The following SMYD3 variants were observed in gnomAD, a reference collection of about 807,000 sequenced individuals.
The protein encoded by SMYD3 is histone-lysine N-methyltransferase SMYD3.
In SMYD3, 36 loss-of-function variants were observed where a neutral mutation model predicts 57.7. The observed-to-expected ratio is 0.62, with a 90% confidence interval of 0.48 to 0.82. The LOEUF is 0.82. Among genes scored for constraint, SMYD3 ranks in the 40% least tolerant of loss-of-function variants. SMYD3 has a pLI of 0.00. For missense variants in SMYD3, 515 were observed against 538.8 expected (o/e 0.96, Z 0.44); for synonymous variants, 211 against 195.0 (o/e 1.08, Z -0.68).
chr1:245,949,825 A>ACCCCCCCCCCCCCCCCCCCCCCCCC (rs376505931), intron 5 of SMYD3, among the ~76,000 whole-genome samples: 8 of 93,296 alleles, frequency 8.6e-5, no homozygotes, highest in Non-Finnish European at 1.1e-4. Flanking sequence ...AAAGAAACCC[A>ACCCCCCCCCCCCCCCCCCCCCCCCC]CCCCCCCCAC....
Position 246,203,568 on chromosome 1 carries a change from G to A in SMYD3, c.531+123633C>T, listed in dbSNP as rs564268344. Among the ~76,000 whole-genome samples, 7 of 152,282 alleles carry A rather than the reference G, an allele frequency of 4.6e-5. No homozygotes were observed. Among genetic ancestry groups the A allele is most frequent in the East Asian group, 3.9e-4 (2 of 5,186 alleles). On this transcript the variant is annotated intron_variant, in intron 5 of 11. Transcript: ENST00000490107. The surrounding 1 kb of genome is among the most constrained non-coding windows in gnomAD (Gnocchi z 4.6). ...CCTCCTGACACGGCAGTCCCTCTGC[G>A]CACATGTGCTGTTGGTGTCTCTTCC...
chr1:246,327,964 C>G (rs1008429646), intron 4 of SMYD3, among the ~76,000 whole-genome samples: 1 of 152,088 alleles, frequency 6.6e-6, no homozygotes, highest in Non-Finnish European at 1.5e-5. Flanking sequence ...GAGGCCAAGA[C>G]GGGCAGATCA....
intron 1 of SMYD3, among the ~76,000 whole-genome samples, chr1:246,403,391 G>A (rs535936549): frequency 4.6e-5 from 7 of 152,210 alleles, no homozygotes; most frequent in East Asian, 1.9e-4. Flanking sequence ...CCAAGTACTC[G>A]GGAAGTTGAG....
At chr1:245,919,719 C>T (rs1318679884) in intron 7 of SMYD3, among the ~76,000 whole-genome samples, 3 of 152,160 alleles carry the variant, frequency 2.0e-5, no homozygotes, top group African/African-American at 7.2e-5. Flanking sequence ...AATGGAATAT[C>T]TGCTCAGTAA....
chr1:245,798,435 TACAC>T (rs1274832080), intron 10 of SMYD3, among the ~76,000 whole-genome samples: 3 of 68,580 alleles, frequency 4.4e-5, no homozygotes, highest in South Asian at 3.9e-4. Context: ...CCCACACACA[TACAC>T]ACACATAAAA....
intron 5 of SMYD3, among the ~76,000 whole-genome samples, chr1:246,245,120 CTTTTT>C (rs74163421): frequency 0.03 from 3,669 of 122,994 alleles, 159 homozygotes; most frequent in African/African-American, 0.1. Context: ...CAGCTACTGC[CTTTTT>C]TTTTTTTTTT....
At chr1:245,889,451 A>G (rs2053260079) in intron 8 of SMYD3, among the ~76,000 whole-genome samples, 2 of 151,948 alleles carry the variant, frequency 1.3e-5, no homozygotes, top group South Asian at 4.2e-4. Context: ...CTCTCCACCA[A>G]CCCTGCAGCC....
intron 1 of SMYD3, among the ~76,000 whole-genome samples, chr1:246,472,860 T>C (rs922577104): frequency 1.4e-5 from 2 of 142,702 alleles, no homozygotes; most frequent in South Asian, 2.4e-4. Flanking sequence ...TTTCTTTTTT[T>C]TTTTTTTTTT....
intron 1 of SMYD3, among the ~76,000 whole-genome samples, chr1:246,495,896 C>T (rs921309553): frequency 2.0e-5 from 3 of 151,750 alleles, no homozygotes; most frequent in Non-Finnish European, 4.4e-5. Flanking sequence ...ACCTGGGAGG[C>T]GAAGGCTGCA....
chr1:246,239,448 T>C (rs1488232934), intron 5 of SMYD3, among the ~76,000 whole-genome samples: 3 of 152,202 alleles, frequency 2.0e-5, no homozygotes, highest in East Asian at 3.8e-4. Context: ...TATGGCTGCA[T>C]AGTATTCCAT....
intron 8 of SMYD3, among the ~76,000 whole-genome samples, chr1:245,901,383 C>A (rs942003815): frequency 1.3e-5 from 2 of 152,108 alleles, no homozygotes; most frequent in Non-Finnish European, 2.9e-5. Context: ...TTTCTTTAGA[C>A]AATCTGATTA....
chr1:245,947,205 C>G (rs1360945909), intron 5 of SMYD3, among the ~76,000 whole-genome samples: 1 of 152,130 alleles, frequency 6.6e-6, no homozygotes, highest in East Asian at 1.9e-4. Flanking sequence ...AAATTAATGC[C>G]ACAGAGAGAG....
intron 5 of SMYD3, among the ~76,000 whole-genome samples, chr1:246,129,873 C>T (rs2061563011): frequency 6.6e-6 from 1 of 152,064 alleles, no homozygotes; most frequent in African/African-American, 2.4e-5. Flanking sequence ...TGCATAGAAA[C>T]AATCATGATC....
intron 5 of SMYD3, among the ~76,000 whole-genome samples, chr1:245,979,257 TA>T (rs2058535390): frequency 6.6e-6 from 1 of 152,142 alleles, no homozygotes; most frequent in Admixed American, 6.5e-5. Flanking sequence ...TGGGATGGGC[TA>T]GGGGTGAATA....
At chr1:245,887,498 GT>G (rs2053152854) in intron 8 of SMYD3, among the ~76,000 whole-genome samples, 1 of 152,092 alleles carries the variant, frequency 6.6e-6, no homozygotes, top group African/African-American at 2.4e-5. Flanking sequence ...ATTCTTTCTT[GT>G]GTGAGATCCA....
In SMYD3 at chr1:246,002,365, T is replaced by C. The variant is rs1572873017; in HGVS notation, c.532-72428A>G. 3.3e-5 allele frequency among the ~76,000 whole-genome samples: 2 copies of C among 59,892 alleles called. 1 individual carries two copies. Among genetic ancestry groups the C allele is most frequent in the South Asian group, 1.2e-3 (2 of 1,622 alleles). The allele number at this position is 59,892 out of a possible 152,430, so 39.3% of individuals were successfully genotyped here. On this transcript the variant is annotated intron_variant, in intron 5 of 11. Coordinates refer to ENST00000490107, the MANE Select transcript of SMYD3 (RefSeq NM_001167740.2). The stretch of plus-strand genomic sequence containing the variant: ...ACGCCCGGCTAATTTTTTGTATTTT[T>C]AGTAGAGACGGGGTTTCACCGTGTT...
Position 246,366,930 on chromosome 1 carries a change from C to CAA in SMYD3, c.165-11838_165-11837dup, listed in dbSNP as rs1269333583. Among the ~76,000 whole-genome samples the CAA allele has an allele frequency of 9.5e-3, 554 of 58,108 alleles. 4 individuals carry two copies. The highest frequency in any genetic ancestry group is 0.015 in the Non-Finnish European group (406 of 27,782). 38.1% of individuals were successfully genotyped at this position (58,108 alleles called of 152,430 possible). On this transcript the variant is annotated intron_variant, in intron 1 of 11. Coordinates refer to ENST00000490107, the MANE Select transcript of SMYD3 (RefSeq NM_001167740.2). Reference sequence around the variant, plus strand: ...TGGGCGACAGAGCGAGACTCCATCTCAAAAAAAAAAAAAAAAAAAAAATCA... The same window carrying CAA: ...TGGGCGACAGAGCGAGACTCCATCTCAAAAAAAAAAAAAAAAAAAAAAAATCA...
intron 5 of SMYD3, among the ~76,000 whole-genome samples, chr1:246,220,898 T>A (rs1011286012): frequency 6.6e-6 from 1 of 151,106 alleles, no homozygotes; most frequent in Non-Finnish European, 1.5e-5. Flanking sequence ...CACTCCAGGG[T>A]CTCCTCTCTA....
At position 246,345,726 on chromosome 1, in the gene SMYD3, G is replaced by C. The variant is rs115198201; in HGVS notation, c.228+9305C>G. 9.2e-3 allele frequency among the ~76,000 whole-genome samples: 1,401 copies of C among 152,208 alleles called. 13 individuals are homozygous for C. Among genetic ancestry groups the C allele is most frequent in the Non-Finnish European group, 0.016 (1,104 of 68,020 alleles). ...CAGGGACAGCCAATTCTAAGAAATA[G>C]CAAAAAGCTCAATCCTGAGCATGCC... is the stretch of plus-strand genomic sequence containing the variant. On this transcript the variant is annotated intron_variant, in intron 2 of 11. Transcript: ENST00000490107.
Sources: gnomAD v4.1 joint callset for allele counts (sites outside exome capture counted in the v4.1 genomes callset) on GRCh38, gnomAD v4.1.1 for gene constraint, Gnocchi (gnomAD v3.1) non-coding constraint, MANE v1.5 for transcripts, NCBI Gene and HGNC (gene_info 2026-07-23, HGNC 2026-07-21) for gene names.